MYH10: variants seen among roughly 807,000 people sequenced by gnomAD.
MYH10 encodes the protein myosin-10.
In MYH10, 55 loss-of-function variants were observed where a neutral mutation model predicts 257.8. The ratio of observed to expected loss-of-function variants is 0.21; its 90% CI spans 0.17 to 0.27. The LOEUF is 0.27. Ranked by LOEUF, MYH10 falls within the 10% of genes least tolerant of loss-of-function variation. The pLI is 1.00. For missense variants in MYH10, 1,631 were observed against 2,500.6 expected (o/e 0.65, Z 7.42); for synonymous variants, 854 against 921.7 (o/e 0.93, Z 1.33).
chr17:8,487,034 ACTT>A (rs1376869095), intron 36 of MYH10, among the ~76,000 whole-genome samples: 1 of 152,200 alleles, frequency 6.6e-6, no homozygotes, highest in African/African-American at 2.4e-5. Context: ...TGCAGAGATC[ACTT>A]CTTGTCATTG....
At position 8,551,975 on chromosome 17, in the gene MYH10, G is replaced by GT. The variant is rs541279002; in HGVS notation, c.919+70dup. 4.1e-4 allele frequency: 354 copies of GT among 856,186 alleles called. No individual in the cohort carries two copies. In the East Asian group the frequency reaches 0.01, roughly 24 times the overall value. The allele number at this position is 856,186 out of a possible 1,614,324, so 53.0% of individuals were successfully genotyped here. ...GTGTAAAAAACTGTTTCCCAAAATT[G>GT]TTTTTTCTCAAAAAAAAATTAAAAG... On this transcript the variant is annotated intron_variant, in intron 9 of 42. Coordinates refer to ENST00000360416, the MANE Select transcript of MYH10 (RefSeq NM_001256012.3).
intron 7 of MYH10, among the ~76,000 whole-genome samples, chr17:8,566,892 G>A (rs938383697): frequency 1.3e-5 from 2 of 152,260 alleles, no homozygotes; most frequent in East Asian, 1.9e-4. Context: ...CACAAATGAC[G>A]GCTTAGTAGC....
intron 14 of MYH10, among the ~76,000 whole-genome samples, chr17:8,538,280 G>A (rs7207245): frequency 0.97 from 147,702 of 152,348 alleles, 71,778 homozygotes; most frequent in East Asian, 1. Flanking sequence ...ATCTTGGCTC[G>A]CTGCAACCTC....
intron 4 of MYH10, among the ~76,000 whole-genome samples, chr17:8,578,858 T>TA (rs909300933): frequency 3.9e-5 from 6 of 151,902 alleles, no homozygotes; most frequent in Admixed American, 2.0e-4. Flanking sequence ...AATTTTTCTT[T>TA]AAAAAAAACA....
chr17:8,604,193 G>T (rs549418073), intron 3 of MYH10, among the ~76,000 whole-genome samples: 1 of 150,164 alleles, frequency 6.7e-6, no homozygotes, highest in Non-Finnish European at 1.5e-5. Context: ...GGGTTTTCAC[G>T]TAGCACCAGG....
rs1456010099 is a variant in MYH10 at position 8,545,852 on chromosome 17, T to C, written c.1279-252A>G. On this transcript the variant is annotated intron_variant, in intron 12 of 42. Coordinates refer to ENST00000360416, the MANE Select transcript of MYH10 (RefSeq NM_001256012.3). The surrounding 1 kb of genome is among the most constrained non-coding windows in gnomAD (Gnocchi z 4.7). ...AGCTCCTCCCCATGCGCCTGGGTCC[T>C]GGGTAGCACTGTCCGCCTGGATTCA... Among the ~76,000 whole-genome samples the C allele has an allele frequency of 3.9e-5, 6 of 152,106 alleles. No individual in the cohort carries two copies. In the East Asian group the frequency reaches 1.2e-3, roughly 29 times the overall value.
rs1392894314 is a variant in MYH10, at chr17:8,484,169, C to T, written c.5144G>A (p.Ser1715Asn). The change falls in exon 37 of 43, where the codon AGT becomes AAT. Residue 1715 changes from serine to asparagine, a missense_variant. Ser to Asn is a conservative substitution (Grantham distance 46, BLOSUM62 1). This residue lies in a region of MYH10 where 6 missense variants were observed against 20.5 expected (regional missense o/e 0.29). Transcript: ENST00000360416. ...QSKESEKKLK[S>N]LEAEILQLQE... Reference sequence around the variant, plus strand: ...CAATTGAAGGATTTCTGCTTCCAGACTCTTCAATTTCTTTTCACTCTCTTT... The same window carrying T: ...CAATTGAAGGATTTCTGCTTCCAGATTCTTCAATTTCTTTTCACTCTCTTT... The T allele has an allele frequency of 3.1e-6, 5 of 1,608,058 alleles. No homozygotes were observed. Among genetic ancestry groups the T allele is most frequent in the Non-Finnish European group, 4.2e-6 (5 of 1,178,210 alleles).
intron 33 of MYH10, 22 bp downstream of exon 33, chr17:8,492,754 A>C: frequency 6.2e-7 from 1 of 1,609,622 alleles, no homozygotes; most frequent in East Asian, 2.2e-5. Context: ...TGCCAGGAGG[A>C]AACGACACGT....
In MYH10 at chr17:8,506,190, G is replaced by T; in HGVS notation, c.3386+128C>A. The T allele has an allele frequency of 1.1e-6, 1 of 937,318 alleles. No homozygotes were observed. The highest frequency in any genetic ancestry group is 1.5e-6 in the Non-Finnish European group (1 of 654,452). The allele number at this position is 937,318 out of a possible 1,614,324, so 58.1% of individuals were successfully genotyped here. On this transcript the variant is annotated intron_variant, in intron 27 of 42. Transcript: ENST00000360416. The surrounding 1 kb of genome is among the most constrained non-coding windows in gnomAD (Gnocchi z 5.0). ...TACGCCTGGGCTTTTCACTTTCTCA[G>T]GTCACACCAAACAGCAAGCAAACCC...
chr17:8,545,777 C>T lies in MYH10; in HGVS notation c.1279-177G>A, dbSNP rs1167369778. On this transcript the variant is annotated intron_variant, in intron 12 of 42. Transcript: ENST00000360416. This position sits in a 1 kb window ranked among gnomAD's most constrained non-coding sequence, Gnocchi z 4.7. ...GGCAATATTAGAAGAATTAAATGAA[C>T]ACAGGGAATAACGAATTTGGGGGAT... Among the ~76,000 whole-genome samples the T allele has an allele frequency of 6.6e-6, 1 of 152,132 alleles. No homozygotes were observed. Among genetic ancestry groups the T allele is most frequent in the Non-Finnish European group, 1.5e-5 (1 of 68,028 alleles).
At chr17:8,587,066 G>A (rs1477540401) in intron 4 of MYH10, among the ~76,000 whole-genome samples, 1 of 152,176 alleles carries the variant, frequency 6.6e-6, no homozygotes, top group East Asian at 1.9e-4. Flanking sequence ...TCTTGCTGCT[G>A]TTGAACGCTG....
At position 8,530,666 on chromosome 17, in the gene MYH10, T is replaced by C. The variant is rs2081982516; in HGVS notation, c.1914A>G (p.Arg638=). Residue 638 remains arginine (R), a synonymous_variant, in exon 17 of 43, where the codon AGA becomes AGG. Coordinates refer to ENST00000360416, the MANE Select transcript of MYH10 (RefSeq NM_001256012.3). ...LWKDEIQNIQ[R]ASFYDSVSGL... Reference sequence around the variant, plus strand: ...CAGAAACACTGTCATAGAAAGAAGCTCTCTGAATATTCTGAATCTCTAAAG... The same window carrying C: ...CAGAAACACTGTCATAGAAAGAAGCCCTCTGAATATTCTGAATCTCTAAAG... The C allele has an allele frequency of 6.5e-7, 1 of 1,549,788 alleles. No homozygotes were observed. The highest frequency in any genetic ancestry group is 8.7e-7 in the Non-Finnish European group (1 of 1,146,734).
rs143773494 is a variant in MYH10, at chr17:8,553,432, T to C, written c.820+523A>G. 3.5e-4 allele frequency among the ~76,000 whole-genome samples: 54 copies of C among 152,292 alleles called. 1 individual carries two copies. The East Asian group carries it at 9.6e-3, about 27-fold the overall frequency. ...TTTATTACATCTATACTCAAATGTGTTTTACCTGGGTATATATGTGCATAC... is the reference window on the plus strand; with the variant it reads ...TTTATTACATCTATACTCAAATGTGCTTTACCTGGGTATATATGTGCATAC... On this transcript the variant is annotated intron_variant, in intron 8 of 42. Coordinates refer to ENST00000360416, the MANE Select transcript of MYH10 (RefSeq NM_001256012.3).
intron 21 of MYH10, among the ~76,000 whole-genome samples, chr17:8,516,556 A>G (rs1033175420): frequency 7.2e-5 from 11 of 152,238 alleles, no homozygotes; most frequent in Admixed American, 6.5e-5. Context: ...TGCAAGTGAA[A>G]TATCTTTGTT....
chr17:8,605,428 A>G (rs2084759638), intron 2 of MYH10, among the ~76,000 whole-genome samples: 1 of 152,170 alleles, frequency 6.6e-6, no homozygotes, highest in Non-Finnish European at 1.5e-5. Context: ...AAGAATATCC[A>G]CAATTATCTA....
rs756368132 is a variant in MYH10, at chr17:8,545,541, G to A, written c.1338C>T (p.Leu446=). The A allele has an allele frequency of 2.0e-5, 33 of 1,614,016 alleles. No homozygotes were observed. Among genetic ancestry groups the A allele is most frequent in the South Asian group, 1.9e-4 (17 of 91,086 alleles). The stretch of plus-strand genomic sequence containing the variant: ...CCAGAGCTTTATTGATGCGATGAAC[G>A]AGCCAGCGAAAGAGCCGCTCATAGG... ...KATYERLFRW[L]VHRINKALDR... The change falls in exon 13 of 43, where the codon CTC becomes CTT. Residue 446 remains leucine, a synonymous_variant. Transcript: ENST00000360416. This position sits in a 1 kb window ranked among gnomAD's most constrained non-coding sequence, Gnocchi z 4.7.
chr17:8,595,594 G>A (rs141683136), intron 3 of MYH10, among the ~76,000 whole-genome samples: 62 of 151,956 alleles, frequency 4.1e-4, no homozygotes, highest in African/African-American at 1.4e-3. Context: ...CACCACACCC[G>A]GCTAATTTTG....
At chr17:8,606,939 C>T (rs2084834375) in intron 2 of MYH10, among the ~76,000 whole-genome samples, 1 of 152,132 alleles carries the variant, frequency 6.6e-6, no homozygotes, top group African/African-American at 2.4e-5. Flanking sequence ...GGTTCCCAGA[C>T]CAACACCTTG....
chr17:8,516,948 C>T (rs2081486210), intron 21 of MYH10, among the ~76,000 whole-genome samples: 1 of 152,018 alleles, frequency 6.6e-6, no homozygotes, highest in African/African-American at 2.4e-5. Context: ...ACCATCCTGG[C>T]TAACACGGCG....
Sources: allele counts gnomAD v4.1 joint callset (sites outside exome capture counted in the v4.1 genomes callset), GRCh38; gene constraint gnomAD v4.1.1; regional missense constraint gnomAD v4.1.1; non-coding constraint Gnocchi (gnomAD v3.1); transcripts MANE v1.5; gene names NCBI Gene and HGNC (gene_info 2026-07-23, HGNC 2026-07-21).